Variants in APMAP observed in about 807,000 individuals in gnomAD.
APMAP encodes the protein adipocyte plasma membrane associated protein, also known as adipocyte plasma membrane-associated protein.
Under a neutral mutation model 43.6 loss-of-function variants are expected in APMAP, and 33 were observed. The observed-to-expected ratio is 0.76, with a 90% CI of 0.57 to 1.01. The LOEUF is 1.01. Among genes scored for constraint, APMAP ranks in the 50% least tolerant of loss-of-function variants. The pLI, the probability that APMAP is intolerant of heterozygous loss-of-function variation, is 0.00. For missense variants in APMAP, 498 were observed against 540.7 expected (o/e 0.92, Z 0.78); for synonymous variants, 224 against 216.7 (o/e 1.03, Z -0.30).
intron 8 of APMAP, among the ~76,000 whole-genome samples, chr20:24,967,249 C>T (rs1318483494): frequency 3.3e-5 from 5 of 152,196 alleles, no homozygotes; most frequent in Non-Finnish European, 7.3e-5. Context: ...GAGCCGAGAT[C>T]ACGCCACTGC....
chr20:24,968,659 A>G (rs1316067085), intron 8 of APMAP, among the ~76,000 whole-genome samples: 1 of 151,948 alleles, frequency 6.6e-6, no homozygotes, highest in African/African-American at 2.4e-5. Flanking sequence ...CAGATGCCCA[A>G]AGCCACGATG....
chr20:24,986,071 G>A (rs547935849), intron 1 of APMAP, among the ~76,000 whole-genome samples: 12 of 152,340 alleles, frequency 7.9e-5, no homozygotes, highest in African/African-American at 2.9e-4. Context: ...TGAAGGCAAG[G>A]CCCGGTTTCT....
At chr20:24,987,686 G>GT (rs2088159836) in intron 1 of APMAP, among the ~76,000 whole-genome samples, 1 of 152,040 alleles carries the variant, frequency 6.6e-6, no homozygotes, top group African/African-American at 2.4e-5. Flanking sequence ...TTGGATTGCG[G>GT]TAATTACTGC....
At chr20:24,988,676 A>G (rs1032446858) in intron 1 of APMAP, among the ~76,000 whole-genome samples, 1 of 152,194 alleles carries the variant, frequency 6.6e-6, no homozygotes, top group African/African-American at 2.4e-5. Flanking sequence ...GAACTCTTTC[A>G]TCGGTTGTTC....
chr20:24,989,774 C>T (rs2088176413), intron 1 of APMAP, among the ~76,000 whole-genome samples: 1 of 152,114 alleles, frequency 6.6e-6, no homozygotes, highest in African/African-American at 2.4e-5. Flanking sequence ...TCTGAAAATA[C>T]ACACCTGGGG....
In APMAP at chr20:24,978,779, C is replaced by T; in HGVS notation, c.316G>A (p.Ala106Thr). Residue 106 changes from alanine (A) to threonine (T), a missense_variant, in exon 3 of 9, where the codon GCA (alanine) becomes ACA (threonine). Ala to Thr is a moderately conservative substitution (Grantham distance 58). Transcript: ENST00000217456. ...AGCTTAGACTTACCCCCAATATGTG[C>T]TATGGACTCCGGTCCAACAAGTTGA... ...ENQLVGPESI[A>T]HIGDVMFTGT... 6.7e-7 allele frequency: 1 copy of T among 1,502,538 alleles called. No individual in the cohort carries two copies. Among genetic ancestry groups the T allele is most frequent in the Non-Finnish European group, 9.1e-7 (1 of 1,104,202 alleles). The allele number at this position is 1,502,538 out of a possible 1,614,324, so 93.1% of individuals were successfully genotyped here. A position where few individuals can be genotyped will look rare whatever the true frequency, so the allele number is the denominator to read the frequency against.
chr20:24,975,351 G>T (rs1310499454), intron 3 of APMAP, among the ~76,000 whole-genome samples: 1 of 152,150 alleles, frequency 6.6e-6, no homozygotes, highest in Non-Finnish European at 1.5e-5. Context: ...GATATTGCAA[G>T]ATATTGACTC....
chr20:24,973,621 A>C (rs775215347), intron 4 of APMAP, 24 bp downstream of exon 4: 2 of 1,597,238 alleles, frequency 1.3e-6, no homozygotes, highest in Non-Finnish European at 1.7e-6. Context: ...GAAGAGACAC[A>C]TCGAGGGATT....
rs745821579 is a variant in APMAP at position 24,973,690 on chromosome 20, T to A, written c.376A>T (p.Asn126Tyr). The change falls in exon 4 of 9, where the codon AAT becomes TAT. Residue 126 changes from asparagine (N) to tyrosine (Y), a missense_variant. By Grantham distance (143) the Asn-to-Tyr change is moderately radical. Transcript: ENST00000217456. ...CGGGCAATGGTCTCTATTTCACCAT[T>A]TTCAAGTTTTACGACCCGGCCATCT... ...TADGRVVKLE[N>Y]GEIETIARFG... is the part of the protein sequence containing the mutation. 9 of 1,614,080 alleles carry A rather than the reference T, an allele frequency of 5.6e-6. No individual in the cohort carries two copies. In the East Asian group the frequency reaches 2.0e-4, roughly 36 times the overall value.
intron 6 of APMAP, 22 bp downstream of exon 6, chr20:24,970,175 G>A: frequency 1.2e-6 from 2 of 1,613,540 alleles, no homozygotes; most frequent in Non-Finnish European, 1.7e-6. Context: ...CAACAAATGG[G>A]AGACCTGGAG....
intron 4 of APMAP, 34 bp from the exon 5 acceptor site, chr20:24,971,610 G>A: frequency 6.4e-7 from 1 of 1,553,302 alleles, no homozygotes; most frequent in Non-Finnish European, 8.9e-7. Context: ...TTGGTAGCTG[G>A]TCCCGGATTC....
chr20:24,980,317 CA>C (rs2088091327), intron 2 of APMAP, among the ~76,000 whole-genome samples: 2 of 152,178 alleles, frequency 1.3e-5, no homozygotes, highest in South Asian at 4.1e-4. Context: ...ATGACAACAG[CA>C]AAAAGAGCTT....
chr20:24,981,001 G>A (rs55908555), intron 2 of APMAP, among the ~76,000 whole-genome samples: 13,669 of 152,276 alleles, frequency 0.09, 696 homozygotes, highest in Middle Eastern at 0.12. Context: ...ACTCCCGTGA[G>A]AGCTTAGACC....
At chr20:24,976,990 A>C (rs2088055122) in intron 3 of APMAP, among the ~76,000 whole-genome samples, 1 of 152,258 alleles carries the variant, frequency 6.6e-6, no homozygotes, top group African/African-American at 2.4e-5. Context: ...AAAACTATGG[A>C]GATGGCAAAA....
chr20:24,985,233 G>A (rs1050359294), intron 1 of APMAP, among the ~76,000 whole-genome samples: 4 of 152,142 alleles, frequency 2.6e-5, no homozygotes, highest in African/African-American at 9.7e-5. Context: ...GCATGATCCA[G>A]TCCTGAACAT....
intron 8 of APMAP, among the ~76,000 whole-genome samples, chr20:24,968,111 T>A (rs746945478): frequency 2.0e-5 from 3 of 152,234 alleles, no homozygotes; most frequent in Non-Finnish European, 2.9e-5. Flanking sequence ...CGGAGCTTGC[T>A]GGAAAAGCAG....
At chr20:24,980,475 C>T (rs190501709) in intron 2 of APMAP, among the ~76,000 whole-genome samples, 31 of 151,914 alleles carry the variant, frequency 2.0e-4, no homozygotes, top group Non-Finnish European at 3.5e-4. Context: ...TCACCATAGT[C>T]AAGAGGCCAT....
chr20:24,972,826 T>C (rs2088017532), intron 4 of APMAP, among the ~76,000 whole-genome samples: 1 of 151,492 alleles, frequency 6.6e-6, no homozygotes, highest in African/African-American at 2.4e-5. Flanking sequence ...TTGTAGGTGC[T>C]GACCATGGGT....
Position 24,968,481 on chromosome 20 carries a change from G to A in APMAP, c.1041+411C>T, listed in dbSNP as rs958609266. On this transcript the variant is annotated intron_variant, in intron 8 of 8. Transcript: ENST00000217456. ...GGGAGGGGAGGAAAGGGCACCTGCC[G>A]ACTCTTTCCCTGAGGAGGCAGAGAG... is the stretch of plus-strand genomic sequence containing the variant. 3.3e-5 allele frequency among the ~76,000 whole-genome samples: 5 copies of A among 152,288 alleles called. No individual in the cohort carries two copies. In the South Asian group the frequency reaches 8.3e-4, roughly 25 times the overall value.
Sources: allele counts gnomAD v4.1 joint callset (sites outside exome capture counted in the v4.1 genomes callset), GRCh38; gene constraint gnomAD v4.1.1; transcripts MANE v1.5; gene names NCBI Gene and HGNC (gene_info 2026-07-23, HGNC 2026-07-21).